The following ACSS3 variants were observed in gnomAD, a reference collection of about 807,000 sequenced individuals.
The protein encoded by ACSS3 is acyl-CoA synthetase short chain family member 3.
In ACSS3, 64 loss-of-function variants were observed where a neutral mutation model predicts 84.2. The observed-to-expected ratio is 0.76, with a 90% CI of 0.62 to 0.94. The LOEUF (loss-of-function observed/expected upper bound fraction) is 0.94. ACSS3 is among the 40% of genes least tolerant of loss of function. The pLI is 0.00. For synonymous variants in ACSS3, 317 were observed against 310.1 expected (o/e 1.02, Z -0.23); for missense variants, 815 against 867.6 (o/e 0.94, Z 0.76).
At position 81,255,074 on chromosome 12, in the gene ACSS3, A is replaced by G; in HGVS notation, c.*152A>G. On this transcript the variant is annotated 3_prime_UTR_variant, in exon 16 of 16. Coordinates refer to ENST00000548058, the MANE Select transcript of ACSS3 (RefSeq NM_024560.4). ...CTTGGCCTAAACAAATCTAATGAAAACATGTGAAAGACCTGTGCCTTTTTT... is the reference window on the plus strand; with the variant it reads ...CTTGGCCTAAACAAATCTAATGAAAGCATGTGAAAGACCTGTGCCTTTTTT... 1 of 699,730 alleles carries G rather than the reference A, an allele frequency of 1.4e-6. No homozygotes were observed. Among genetic ancestry groups the G allele is most frequent in the South Asian group, 2.5e-5 (1 of 40,264 alleles). The allele number at this position is 699,730 out of a possible 1,614,324, so 43.3% of individuals were successfully genotyped here. A position where few individuals can be genotyped will look rare whatever the true frequency, so the allele number is the denominator to read the frequency against.
intron 4 of ACSS3, among the ~76,000 whole-genome samples, chr12:81,139,926 C>T (rs888574386): frequency 3.9e-5 from 6 of 152,018 alleles, no homozygotes; most frequent in East Asian, 1.9e-4. Flanking sequence ...TGAGCCACCG[C>T]GCCCGGCCAT....
rs531551347 is a variant in ACSS3, at chr12:81,238,214, G to C, written c.1719+4743G>C. On this transcript the variant is annotated intron_variant, in intron 13 of 15. Transcript: ENST00000548058. ...TGTATACCTGGGGTAAATTCCACCT[G>C]GTCATGGTACATAACTCTTTCCACA... is the stretch of plus-strand genomic sequence containing the variant. Among the ~76,000 whole-genome samples, 118 of 151,682 alleles carry C rather than the reference G, an allele frequency of 7.8e-4. No individual in the cohort carries two copies. In the Middle Eastern group the frequency reaches 0.01, roughly 13 times the overall value.
Position 81,130,865 on chromosome 12 carries a change from C to A in ACSS3, c.457-3951C>A, listed in dbSNP as rs181031073. Among the ~76,000 whole-genome samples, 24 of 152,260 alleles carry A rather than the reference C, an allele frequency of 1.6e-4. No homozygotes were observed. In the East Asian group the frequency reaches 4.6e-3, roughly 29 times the overall value. On this transcript the variant is annotated intron_variant, in intron 2 of 15. Coordinates refer to ENST00000548058, the MANE Select transcript of ACSS3 (RefSeq NM_024560.4). ...ACATATAGCTAGCCAGTTCTTCCAG[C>A]TCCATTTATTAAATAGGGAATCCTT...
intron 13 of ACSS3, among the ~76,000 whole-genome samples, chr12:81,243,816 A>T (rs928654219): frequency 6.6e-6 from 1 of 152,142 alleles, no homozygotes; most frequent in African/African-American, 2.4e-5. Flanking sequence ...GCATATACAC[A>T]TGCGCATATA....
intron 13 of ACSS3, among the ~76,000 whole-genome samples, chr12:81,251,752 A>AG (rs2136016158): frequency 6.6e-6 from 1 of 151,774 alleles, no homozygotes; most frequent in African/African-American, 2.4e-5. Context: ...CTGAGGTTGG[A>AG]GGATCACCTG....
chr12:81,146,873 G>A (rs1886366465), intron 5 of ACSS3, among the ~76,000 whole-genome samples: 2 of 152,110 alleles, frequency 1.3e-5, no homozygotes, highest in South Asian at 4.2e-4. Flanking sequence ...ATATAAAAAG[G>A]AAAAATGTTC....
At chr12:81,216,130 T>A (rs1049052394) in intron 9 of ACSS3, among the ~76,000 whole-genome samples, 1 of 148,950 alleles carries the variant, frequency 6.7e-6, no homozygotes, top group Admixed American at 6.6e-5. Flanking sequence ...ATATTATATA[T>A]TTTTTTAATT....
intron 9 of ACSS3, among the ~76,000 whole-genome samples, chr12:81,208,262 C>G (rs1354525042): frequency 6.6e-6 from 1 of 152,136 alleles, no homozygotes; most frequent in Non-Finnish European, 1.5e-5. Flanking sequence ...CTACCGACTT[C>G]TAAATCCATA....
intron 9 of ACSS3, among the ~76,000 whole-genome samples, chr12:81,214,505 T>C (rs1238208913): frequency 6.6e-6 from 1 of 152,166 alleles, no homozygotes; most frequent in Non-Finnish European, 1.5e-5. Context: ...AAAATAAGCT[T>C]TTAATAGTTG....
chr12:81,151,418 A>T (rs889611351), intron 5 of ACSS3, among the ~76,000 whole-genome samples: 12 of 152,182 alleles, frequency 7.9e-5, no homozygotes, highest in African/African-American at 2.9e-4. Context: ...TTATTATTTA[A>T]TCATCTTAAG....
chr12:81,133,298 A>G (rs1361322812), intron 2 of ACSS3, among the ~76,000 whole-genome samples: 2 of 152,074 alleles, frequency 1.3e-5, no homozygotes, highest in African/African-American at 2.4e-5. Flanking sequence ...CATGTGACCT[A>G]ATTTCTTCTC....
chr12:81,112,165 A>T (rs1392387008), intron 2 of ACSS3, among the ~76,000 whole-genome samples: 1 of 152,188 alleles, frequency 6.6e-6, no homozygotes. Context: ...ATCTTAGAAG[A>T]GGTTTAGTCT....
rs2136020470 is a variant in ACSS3 at position 81,253,510 on chromosome 12, A to G, written c.1835A>G (p.Glu612Gly). The stretch of plus-strand genomic sequence containing the variant: ...TTCTCTCTAGATATAAATGCAACAG[A>G]GGAGCAAGTTTTGGAAGAAATTGTG... ...CVLRKDINAT[E>G]EQVLEEIVKH... The change falls in exon 15 of 16, where the codon GAG becomes GGG. Residue 612 changes from glutamate (E) to glycine (G), a missense_variant. Transcript: ENST00000548058. 1.2e-6 allele frequency: 2 copies of G among 1,613,856 alleles called. No homozygotes were observed. The highest frequency in any genetic ancestry group is 2.2e-5 in the East Asian group (1 of 44,856).
intron 8 of ACSS3, among the ~76,000 whole-genome samples, chr12:81,196,919 T>C (rs1412910761): frequency 6.6e-6 from 1 of 152,166 alleles, no homozygotes; most frequent in African/African-American, 2.4e-5. Context: ...CATTTCAACA[T>C]GAGATTTGGA....
At chr12:81,145,067 ATTTTT>A (rs35753293) in intron 5 of ACSS3, among the ~76,000 whole-genome samples, 8 of 100,912 alleles carry the variant, frequency 7.9e-5, no homozygotes, top group East Asian at 3.0e-4. Context: ...CGCCTGGCTA[ATTTTT>A]TTTTTTTTTT....
intron 1 of ACSS3, among the ~76,000 whole-genome samples, chr12:81,100,645 C>T (rs1436964030): frequency 2.6e-5 from 4 of 152,152 alleles, no homozygotes; most frequent in Non-Finnish European, 4.4e-5. Flanking sequence ...GAAATAACCC[C>T]CAAATCTTCC....
rs545883297 is a variant in ACSS3 at position 81,194,461 on chromosome 12, C to T, written c.1251-4880C>T. Among the ~76,000 whole-genome samples the T allele has an allele frequency of 5.3e-5, 8 of 151,870 alleles. No individual in the cohort carries two copies. In the East Asian group the frequency reaches 1.4e-3, roughly 26 times the overall value. Reference sequence around the variant, plus strand: ...TAGCATATTTAGGGAAAGAAGTCATCCGTAAAGTCTTTGACATTTTTCTAA... The same window carrying T: ...TAGCATATTTAGGGAAAGAAGTCATTCGTAAAGTCTTTGACATTTTTCTAA... On this transcript the variant is annotated intron_variant, in intron 8 of 15. Coordinates refer to ENST00000548058, the MANE Select transcript of ACSS3 (RefSeq NM_024560.4).
intron 7 of ACSS3, among the ~76,000 whole-genome samples, chr12:81,159,487 T>G (rs752437731): frequency 6.6e-5 from 10 of 152,150 alleles, no homozygotes; most frequent in Admixed American, 2.6e-4. Flanking sequence ...CAGTATGAGA[T>G]GTTTAAAGTA....
intron 13 of ACSS3, among the ~76,000 whole-genome samples, chr12:81,252,451 CAGATGTGCTGTTGGTTAAA>C (rs1428930088): frequency 6.6e-6 from 1 of 151,956 alleles, no homozygotes; most frequent in Non-Finnish European, 1.5e-5. Flanking sequence ...CAAGGACTGC[CAGATGTGCTGTTGGTTAAA>C]AGTTTGCTCA....
Sources: allele counts gnomAD v4.1 joint callset (sites outside exome capture counted in the v4.1 genomes callset), GRCh38; gene constraint gnomAD v4.1.1; transcripts MANE v1.5; gene names NCBI Gene and HGNC (gene_info 2026-07-23, HGNC 2026-07-21).